The following BCAT1 variants were observed in gnomAD, a reference collection of about 807,000 sequenced individuals.
BCAT1 encodes the protein branched-chain-amino-acid aminotransferase, cytosolic.
Under a neutral mutation model 52.4 loss-of-function variants are expected in BCAT1, and 48 were observed. That is an observed-to-expected ratio of 0.92 (90% CI 0.73 to 1.16). BCAT1 has a LOEUF of 1.16. Ranked by LOEUF, BCAT1 falls within the 50% of genes most tolerant of loss-of-function variation. The pLI, the probability that BCAT1 is intolerant of heterozygous loss-of-function variation, is 0.00. For synonymous variants in BCAT1, 167 were observed against 161.3 expected (o/e 1.04, Z -0.27); for missense variants, 451 against 457.1 (o/e 0.99, Z 0.12).
At chr12:24,839,989 T>A (rs1941127973) in intron 7 of BCAT1, among the ~76,000 whole-genome samples, 1 of 152,140 alleles carries the variant, frequency 6.6e-6, no homozygotes, top group South Asian at 2.1e-4. Context: ...TAGATGAACA[T>A]CCCCAAAGTG....
At position 24,836,826 on chromosome 12, in the gene BCAT1, G is replaced by GAAGGAAGGAAGAAAGAGC. The variant is rs1285347721; in HGVS notation, c.818-231_818-230insGCTCTTTCTTCCTTCCTT. On this transcript the variant is annotated intron_variant, in intron 7 of 10. Transcript: ENST00000261192. The stretch of plus-strand genomic sequence containing the variant: ...GGAAAGAAGGAAGGAAGGAAAGAAG[G>GAAGGAAGGAAGAAAGAGC]AAGGAAGGAAGGAGAGAGAGAGAAA... Among the ~76,000 whole-genome samples, 921 of 128,756 alleles carry GAAGGAAGGAAGAAAGAGC rather than the reference G, an allele frequency of 7.2e-3. 23 individuals are homozygous for GAAGGAAGGAAGAAAGAGC. The highest frequency in any genetic ancestry group is 0.031 in the Middle Eastern group (7 of 224). The allele number at this position is 128,756 out of a possible 152,430, so 84.5% of individuals were successfully genotyped here. A position where few individuals can be genotyped will look rare whatever the true frequency, so the allele number is the denominator to read the frequency against.
At chr12:24,925,601 C>T (rs1348382349) in intron 1 of BCAT1, among the ~76,000 whole-genome samples, 1 of 151,668 alleles carries the variant, frequency 6.6e-6, no homozygotes, top group Non-Finnish European at 1.5e-5. Context: ...CCCACGGTCT[C>T]CCTCTCCCTC....
Position 24,844,894 on chromosome 12 carries a change from CAAAAAAAAAAAAA to C in BCAT1, c.675-2683_675-2671del, listed in dbSNP as rs11318750. Among the ~76,000 whole-genome samples the C allele has an allele frequency of 8.3e-5, 3 of 35,998 alleles. No individual in the cohort carries two copies. The South Asian group carries it at 4.0e-3, about 48-fold the overall frequency. 23.6% of individuals were successfully genotyped at this position (35,998 alleles called of 152,430 possible). A position where few individuals can be genotyped will look rare whatever the true frequency, so the allele number is the denominator to read the frequency against. On this transcript the variant is annotated intron_variant, in intron 6 of 10. Transcript: ENST00000261192. ...TCTGAGCGACAGAGTGAGACTGTCT[CAAAAAAAAAAAAA>C]AAAAAAAAAAGAGTCCTTAAAAGGG...
intron 4 of BCAT1, among the ~76,000 whole-genome samples, chr12:24,878,917 T>G (rs1942421594): frequency 6.6e-6 from 1 of 152,038 alleles, no homozygotes; most frequent in African/African-American, 2.4e-5. Context: ...TAAAAAAAAT[T>G]TTAAAGTAAT....
In BCAT1 at chr12:24,828,712, TA is replaced by T. The variant is rs374144843; in HGVS notation, c.1119+1110del. On this transcript the variant is annotated intron_variant, in intron 10 of 10. Transcript: ENST00000261192. ...ATTTTGTTAGGAAAAAATAACTATCTAAAAGTATACTGGCTGGGCATGGTGG... is the reference window on the plus strand; with the variant it reads ...ATTTTGTTAGGAAAAAATAACTATCTAAAGTATACTGGCTGGGCATGGTGG... Among the ~76,000 whole-genome samples the T allele has an allele frequency of 4.8e-4, 73 of 152,332 alleles. 1 individual carries two copies. The South Asian group carries it at 0.015, about 31-fold the overall frequency.
At chr12:24,838,520 C>T (rs1159081985) in intron 7 of BCAT1, among the ~76,000 whole-genome samples, 1 of 151,912 alleles carries the variant, frequency 6.6e-6, no homozygotes, top group African/African-American at 2.4e-5. Context: ...TATGTACACA[C>T]ACACACACAC....
intron 2 of BCAT1, among the ~76,000 whole-genome samples, chr12:24,898,671 G>A (rs909473615): frequency 6.6e-5 from 10 of 151,532 alleles, no homozygotes; most frequent in African/African-American, 2.4e-4. Context: ...ATGTGTCATC[G>A]CACCTGGCTA....
At chr12:24,847,507 T>C (rs1315693324) in intron 6 of BCAT1, among the ~76,000 whole-genome samples, 1 of 152,160 alleles carries the variant, frequency 6.6e-6, no homozygotes, top group Non-Finnish European at 1.5e-5. Context: ...ACTTCAAAGC[T>C]TGTACTCTTA....
intron 5 of BCAT1, among the ~76,000 whole-genome samples, chr12:24,866,843 T>A (rs911840514): frequency 6.6e-6 from 1 of 152,018 alleles, no homozygotes; most frequent in Non-Finnish European, 1.5e-5. Flanking sequence ...CAGCAGGATG[T>A]GGGTGGGGCC....
At chr12:24,835,427 G>A (rs140355016) in intron 8 of BCAT1, among the ~76,000 whole-genome samples, 65 of 152,060 alleles carry the variant, frequency 4.3e-4, no homozygotes, top group African/African-American at 1.5e-3. Context: ...CATGTTCTTT[G>A]GAGACCATTT....
intron 1 of BCAT1, among the ~76,000 whole-genome samples, chr12:24,941,359 G>A (rs1055627280): frequency 6.6e-6 from 1 of 152,174 alleles, no homozygotes; most frequent in African/African-American, 2.4e-5. Context: ...ATATGTGTTT[G>A]GCAATAGGCA....
At chr12:24,919,237 A>G (rs1237685395) in intron 1 of BCAT1, among the ~76,000 whole-genome samples, 3 of 152,364 alleles carry the variant, frequency 2.0e-5, no homozygotes, top group East Asian at 1.9e-4. Flanking sequence ...TACTTACTGA[A>G]CTGCCTTTAT....
At position 24,943,707 on chromosome 12, in the gene BCAT1, G is replaced by A. The variant is rs551349899; in HGVS notation, c.6+5220C>T. Among the ~76,000 whole-genome samples, 633 of 152,168 alleles carry A rather than the reference G, an allele frequency of 4.2e-3. 13 individuals are homozygous for A. The highest frequency in any genetic ancestry group is 0.02 in the East Asian group (103 of 5,172). ...TTTTCAGTTAAAGTAGTTTGAGGCC[G>A]GGAGCGGTGGCTCACGCCTGTAATC... On this transcript the variant is annotated intron_variant, in intron 1 of 10. Coordinates refer to ENST00000261192, the MANE Select transcript of BCAT1 (RefSeq NM_005504.7).
At chr12:24,907,391 A>G (rs1182017766) in intron 1 of BCAT1, among the ~76,000 whole-genome samples, 2 of 152,222 alleles carry the variant, frequency 1.3e-5, no homozygotes, top group Non-Finnish European at 2.9e-5. Context: ...TGGGAAGTTC[A>G]TGTCTGTCAG....
intron 1 of BCAT1, among the ~76,000 whole-genome samples, chr12:24,912,063 C>A (rs995268193): frequency 3.9e-5 from 6 of 151,966 alleles, no homozygotes; most frequent in Admixed American, 3.9e-4. Context: ...TCAGGTTAAC[C>A]TATGCTGAGG....
chr12:24,882,298 A>G (rs1014006362), intron 3 of BCAT1, among the ~76,000 whole-genome samples: 1 of 152,204 alleles, frequency 6.6e-6, no homozygotes, highest in Non-Finnish European at 1.5e-5. Flanking sequence ...ACCATAGGTC[A>G]CAGAAGAAAA....
chr12:24,869,478 G>A (rs923617213), intron 5 of BCAT1, among the ~76,000 whole-genome samples: 25 of 152,054 alleles, frequency 1.6e-4, no homozygotes, highest in African/African-American at 5.6e-4. Flanking sequence ...CTTTCAAATT[G>A]TCTGCGAGCC....
chr12:24,902,328 C>T, intron 1 of BCAT1: 2 of 1,234,352 alleles, frequency 1.6e-6, no homozygotes, highest in South Asian at 2.4e-5. Context: ...GCAAAGGGAA[C>T]GGGGACGGGC....
chr12:24,925,935 C>G (rs541539189), intron 1 of BCAT1, among the ~76,000 whole-genome samples: 1 of 152,194 alleles, frequency 6.6e-6, no homozygotes, highest in South Asian at 2.1e-4. Context: ...GATCTCGGCT[C>G]GCTACAACCT....
Sources: gnomAD v4.1 joint callset for allele counts (sites outside exome capture counted in the v4.1 genomes callset) on GRCh38, gnomAD v4.1.1 for gene constraint, MANE v1.5 for transcripts, NCBI Gene and HGNC (gene_info 2026-07-23, HGNC 2026-07-21) for gene names.